The following VRK1 variants were observed in gnomAD, a reference collection of about 807,000 sequenced individuals.
The protein encoded by VRK1 is serine/threonine-protein kinase VRK1.
A neutral mutation model predicts 57.1 loss-of-function variants in VRK1; 33 were observed. That is an observed-to-expected ratio of 0.58 (90% CI 0.44 to 0.77). The LOEUF is 0.77. Ranked by LOEUF, VRK1 falls within the 30% of genes least tolerant of loss-of-function variation. The pLI, the probability that VRK1 is intolerant of heterozygous loss-of-function variation, is 0.00. For synonymous variants in VRK1, 137 were observed against 147.8 expected (o/e 0.93, Z 0.53); for missense variants, 413 against 477.3 (o/e 0.87, Z 1.25).
At chr14:96,824,649 G>C (rs2139727893) in intron 1 of VRK1, among the ~76,000 whole-genome samples, 1 of 151,990 alleles carries the variant, frequency 6.6e-6, no homozygotes, top group South Asian at 2.1e-4. Context: ...ATAGCAGAGG[G>C]GGATTAAAAA....
At chr14:96,801,571 CAG>C (rs370975537) in intron 1 of VRK1, among the ~76,000 whole-genome samples, 9 of 152,200 alleles carry the variant, frequency 5.9e-5, no homozygotes, top group Non-Finnish European at 1.2e-4. Context: ...TTGAACAACT[CAG>C]GGGTTGGGAG....
chr14:96,816,472 C>G (rs774109477), intron 1 of VRK1, among the ~76,000 whole-genome samples: 2 of 152,160 alleles, frequency 1.3e-5, no homozygotes, highest in East Asian at 3.9e-4. Flanking sequence ...AGAGAAACTC[C>G]TCCTTCTTTA....
At chr14:96,868,352 C>G (rs1009296411) in intron 11 of VRK1, among the ~76,000 whole-genome samples, 11 of 152,226 alleles carry the variant, frequency 7.2e-5, no homozygotes, top group Admixed American at 5.2e-4. Flanking sequence ...AAATCAAAAG[C>G]TATAAGGGTG....
rs777420974 is a variant in VRK1 at position 96,833,598 on chromosome 14, A to G, written c.127A>G (p.Ile43Val). 6.8e-6 allele frequency: 11 copies of G among 1,613,630 alleles called. No individual in the cohort carries two copies. Among genetic ancestry groups the G allele is most frequent in the Admixed American group, 1.7e-5 (1 of 59,980 alleles). The change falls in exon 2 of 13, where the codon ATT (isoleucine) becomes GTT (valine). Residue 43 changes from isoleucine to valine, a missense_variant. Ile to Val is a conservative substitution (Grantham distance 29). Transcript: ENST00000216639. ...AKKEWKVGLPIGQGGFGCIYL... is the reference protein window; with the variant it reads ...AKKEWKVGLPVGQGGFGCIYL... ...AAAGGAATGGAAAGTAGGATTACCC[A>G]TTGGCCAAGGAGGCTTTGGCTGTAT...
chr14:96,815,645 A>G (rs1351154585), intron 1 of VRK1, among the ~76,000 whole-genome samples: 1 of 152,094 alleles, frequency 6.6e-6, no homozygotes. Context: ...ACACTTTGGA[A>G]GGCTGAGGTG....
chr14:96,798,687 T>G (rs919901035), intron 1 of VRK1, among the ~76,000 whole-genome samples: 2 of 152,208 alleles, frequency 1.3e-5, no homozygotes, highest in African/African-American at 4.8e-5. Flanking sequence ...CCTTTCTTTA[T>G]GACATGCTGA....
At chr14:96,880,320 T>C (rs563377615) in intron 12 of VRK1, among the ~76,000 whole-genome samples, 2 of 152,242 alleles carry the variant, frequency 1.3e-5, no homozygotes, top group South Asian at 2.1e-4. Flanking sequence ...TTTTGTTTTT[T>C]TTCGTGCAGT....
intron 12 of VRK1, chr14:96,877,393 A>C (rs995984074): frequency 6.8e-6 from 5 of 730,852 alleles, no homozygotes; most frequent in Non-Finnish European, 1.0e-5. Context: ...ATAACTTCAC[A>C]CTGAAGGCGA....
intron 1 of VRK1, among the ~76,000 whole-genome samples, chr14:96,810,398 G>A (rs878998405): frequency 6.6e-6 from 1 of 152,184 alleles, no homozygotes; most frequent in East Asian, 1.9e-4. Context: ...ACTCTAGGGC[G>A]ATGAAGCTAT....
chr14:96,875,943 TACAC>T, intron 11 of VRK1, 83 bp from the exon 12 acceptor site: 1 of 1,398,910 alleles, frequency 7.1e-7, no homozygotes, highest in African/African-American at 1.4e-5. Flanking sequence ...TATACATTTA[TACAC>T]ACACACAGAC....
chr14:96,875,785 A>G (rs1191723984), intron 11 of VRK1, among the ~76,000 whole-genome samples: 2 of 131,324 alleles, frequency 1.5e-5, no homozygotes, highest in African/African-American at 2.5e-5. Context: ...AGAGGTGGAT[A>G]TAACAAATAT....
intron 2 of VRK1, among the ~76,000 whole-genome samples, chr14:96,836,618 G>A (rs1307619608): frequency 4.7e-5 from 7 of 148,890 alleles, no homozygotes; most frequent in Admixed American, 1.4e-4. Flanking sequence ...TGCCTTTCAG[G>A]TTCAAGTGAT....
chr14:96,838,430 G>A (rs1887308934), intron 3 of VRK1, among the ~76,000 whole-genome samples: 1 of 152,060 alleles, frequency 6.6e-6, no homozygotes, highest in Non-Finnish European at 1.5e-5. Flanking sequence ...TCAATTATGT[G>A]CCTTTTTGCT....
chr14:96,797,838 T>G (rs1885498667), intron 1 of VRK1, among the ~76,000 whole-genome samples: 1 of 152,210 alleles, frequency 6.6e-6, no homozygotes, highest in South Asian at 2.1e-4. Flanking sequence ...GCGAGGCCCC[T>G]GCCCCGCAGA....
chr14:96,807,819 G>A (rs931358381), intron 1 of VRK1, among the ~76,000 whole-genome samples: 1 of 152,018 alleles, frequency 6.6e-6, no homozygotes. Context: ...AAGATATTTT[G>A]GAATCCTAGT....
chr14:96,843,881 C>T (rs1284762117), intron 3 of VRK1, among the ~76,000 whole-genome samples: 1 of 152,078 alleles, frequency 6.6e-6, no homozygotes, highest in Non-Finnish European at 1.5e-5. Flanking sequence ...GAGAGCCTTC[C>T]TTGTAGTGGG....
At chr14:96,868,044 G>A (rs542804610) in intron 11 of VRK1, among the ~76,000 whole-genome samples, 16 of 152,118 alleles carry the variant, frequency 1.1e-4, no homozygotes, top group African/African-American at 3.4e-4. Context: ...TATTTTAATA[G>A]TGTATACCTC....
chr14:96,803,524 C>A (rs550891345), intron 1 of VRK1, among the ~76,000 whole-genome samples: 11 of 152,206 alleles, frequency 7.2e-5, no homozygotes, highest in African/African-American at 2.6e-4. Context: ...TCTTAACTGG[C>A]TCCAATTTAT....
chr14:96,820,347 A>G (rs1214344706), intron 1 of VRK1, among the ~76,000 whole-genome samples: 1 of 152,104 alleles, frequency 6.6e-6, no homozygotes, highest in South Asian at 2.1e-4. Context: ...GTTCTTCGGC[A>G]ACTTCTCTGT....
Sources: allele counts gnomAD v4.1 joint callset (sites outside exome capture counted in the v4.1 genomes callset), GRCh38; gene constraint gnomAD v4.1.1; transcripts MANE v1.5; gene names NCBI Gene and HGNC (gene_info 2026-07-23, HGNC 2026-07-21).